The following ACAP2 variants were observed in gnomAD, a reference collection of about 807,000 sequenced individuals.
ACAP2 encodes arf-GAP with coiled-coil, ANK repeat and PH domain-containing protein 2.
ACAP2 carries 39 observed loss-of-function variants against 115.8 expected under a neutral mutation model. The observed-to-expected ratio is 0.34, with a 90% confidence interval of 0.26 to 0.44. The LOEUF (loss-of-function observed/expected upper bound fraction) is 0.44. ACAP2 is among the 20% of genes least tolerant of loss of function. The pLI is 1.00. For synonymous variants in ACAP2, 289 were observed against 315.8 expected (o/e 0.92, Z 0.90); for missense variants, 662 against 927.6 (o/e 0.71, Z 3.72).
chr3:195,378,088 G>C (rs1166864998), intron 4 of ACAP2, among the ~76,000 whole-genome samples: 2 of 139,976 alleles, frequency 1.4e-5, no homozygotes, highest in African/African-American at 5.7e-5. Context: ...GGGAGGAAGG[G>C]AGGAGGAGGA....
At chr3:195,365,393 C>T (rs999567360) in intron 4 of ACAP2, among the ~76,000 whole-genome samples, 5 of 152,114 alleles carry the variant, frequency 3.3e-5, no homozygotes, top group African/African-American at 1.2e-4. Context: ...TACACACCTA[C>T]TATGCACCCA....
chr3:195,355,209 G>A (rs1330588112), intron 4 of ACAP2, among the ~76,000 whole-genome samples: 1 of 148,508 alleles, frequency 6.7e-6, no homozygotes, highest in Non-Finnish European at 1.5e-5. Flanking sequence ...TGTCAATAAA[G>A]CAACAGTTCT....
chr3:195,298,255 T>C (rs1727787994), intron 15 of ACAP2, among the ~76,000 whole-genome samples: 1 of 12,532 alleles, frequency 8.0e-5, no homozygotes, highest in Non-Finnish European at 3.1e-4. Flanking sequence ...CTCTCCTCTT[T>C]TTTTTTTTTT....
Position 195,302,141 on chromosome 3 carries a change from T to G in ACAP2, c.1150A>C (p.Ser384Arg). Reference sequence around the variant, plus strand: ...TTGGACTCATTTCCAGAATCTAGGCTTCCTGTGGATGGAGATGATTTCTTA... The same window carrying G: ...TTGGACTCATTTCCAGAATCTAGGCGTCCTGTGGATGGAGATGATTTCTTA... ...LDKKSSPSTG[S>R]LDSGNESKEK... The change falls in exon 14 of 23, where the codon AGC becomes CGC. Residue 384 changes from serine (S) to arginine (R), a missense_variant. Ser to Arg is a moderately radical substitution (Grantham distance 110). Around this residue, in one of 3 missense-constraint regions of ACAP2, gnomAD observed 401 missense variants for 604.4 expected, o/e 0.66. Coordinates refer to ENST00000326793, the MANE Select transcript of ACAP2 (RefSeq NM_012287.6). 1 of 1,613,972 alleles carries G rather than the reference T, an allele frequency of 6.2e-7. No individual in the cohort carries two copies. The highest frequency in any genetic ancestry group is 8.5e-7 in the Non-Finnish European group (1 of 1,179,992).
intron 1 of ACAP2, among the ~76,000 whole-genome samples, chr3:195,420,993 A>G (rs1714147161): frequency 6.6e-6 from 1 of 152,190 alleles, no homozygotes; most frequent in Admixed American, 6.5e-5. Context: ...AGAATAAGGA[A>G]TAGGGTTATA....
rs1298294532 is a variant in ACAP2, at chr3:195,279,149, C to T, written c.*179G>A. ...ATAAAAGAGGTCCTAAACTAGGTTC[C>T]TCTCCTACTACTAGATAACTATGTT... is the stretch of plus-strand genomic sequence containing the variant. On this transcript the variant is annotated 3_prime_UTR_variant, in exon 23 of 23. Transcript: ENST00000326793. 1 of 465,254 alleles carries T rather than the reference C, an allele frequency of 2.1e-6. No individual in the cohort carries two copies. Among genetic ancestry groups the T allele is most frequent in the East Asian group, 3.7e-5 (1 of 27,358 alleles). The allele number at this position is 465,254 out of a possible 1,614,324, so 28.8% of individuals were successfully genotyped here. A position where few individuals can be genotyped will look rare whatever the true frequency, so the allele number is the denominator to read the frequency against.
chr3:195,434,641 T>C (rs796100595), intron 1 of ACAP2, among the ~76,000 whole-genome samples: 6 of 152,352 alleles, frequency 3.9e-5, no homozygotes, highest in African/African-American at 1.4e-4. Context: ...TCTCCTCTTC[T>C]ATTTCTTAAA....
chr3:195,348,333 T>C (rs1731318791), intron 4 of ACAP2, among the ~76,000 whole-genome samples: 2 of 151,150 alleles, frequency 1.3e-5, no homozygotes. Flanking sequence ...AGAAAATACA[T>C]TAAAAATTAA....
At chr3:195,343,491 T>A (rs2108651822) in intron 5 of ACAP2, among the ~76,000 whole-genome samples, 1 of 152,328 alleles carries the variant, frequency 6.6e-6, no homozygotes, top group South Asian at 2.1e-4. Context: ...TGTGGCATGA[T>A]CATAGCTCAC....
At chr3:195,311,092 G>GT (rs1437329814) in intron 10 of ACAP2, among the ~76,000 whole-genome samples, 1,274 of 108,804 alleles carry the variant, frequency 0.012, 8 homozygotes, top group African/African-American at 0.034. Flanking sequence ...TGGTTTTTTT[G>GT]TTTTTTTTTT....
chr3:195,287,974 GTGTGTAATCCCAGC>G (rs1726957392), intron 21 of ACAP2, among the ~76,000 whole-genome samples: 1 of 151,992 alleles, frequency 6.6e-6, no homozygotes, highest in South Asian at 2.1e-4. Context: ...GGTGGCGCAT[GTGTGTAATCCCAGC>G]TACTCAGGAG....
At chr3:195,433,110 C>T (rs922945066) in intron 1 of ACAP2, among the ~76,000 whole-genome samples, 65 of 152,240 alleles carry the variant, frequency 4.3e-4, no homozygotes, top group African/African-American at 1.4e-3. Context: ...CCCTGCACTA[C>T]CCACTAATAC....
intron 4 of ACAP2, among the ~76,000 whole-genome samples, chr3:195,378,915 C>T (rs1733763019): frequency 1.3e-5 from 2 of 151,228 alleles, no homozygotes; most frequent in South Asian, 4.2e-4. Flanking sequence ...TAACTTTTCA[C>T]ATTTAAAACC....
chr3:195,411,416 T>C (rs1713251746), intron 1 of ACAP2, among the ~76,000 whole-genome samples: 1 of 152,206 alleles, frequency 6.6e-6, no homozygotes, highest in Non-Finnish European at 1.5e-5. Context: ...AAGCACAACA[T>C]GACGTGTGCA....
In ACAP2 at chr3:195,327,217, G is replaced by T. The variant is rs113604271; in HGVS notation, c.670-258C>A. The stretch of plus-strand genomic sequence containing the variant: ...TGCCATACATATACGATTGCAGACC[G>T]TGTCACAGGTACCCCAGTGATACAC... On this transcript the variant is annotated intron_variant, in intron 8 of 22. Coordinates refer to ENST00000326793, the MANE Select transcript of ACAP2 (RefSeq NM_012287.6). Among the ~76,000 whole-genome samples, 63 of 152,194 alleles carry T rather than the reference G, an allele frequency of 4.1e-4. No individual in the cohort carries two copies. The Middle Eastern group carries it at 0.017, about 41-fold the overall frequency.
chr3:195,315,748 A>C (rs973560843), intron 10 of ACAP2, among the ~76,000 whole-genome samples: 2 of 152,316 alleles, frequency 1.3e-5, no homozygotes, highest in East Asian at 3.9e-4. Context: ...AAAACAGCCT[A>C]ATTTCCAAAG....
At chr3:195,396,712 G>A (rs893731232) in intron 1 of ACAP2, among the ~76,000 whole-genome samples, 4 of 150,210 alleles carry the variant, frequency 2.7e-5, no homozygotes, top group African/African-American at 7.4e-5. Context: ...GCTTGAACCC[G>A]GGAGGCAGAG....
At chr3:195,430,480 G>A (rs375502102) in intron 1 of ACAP2, among the ~76,000 whole-genome samples, 6 of 152,136 alleles carry the variant, frequency 3.9e-5, no homozygotes, top group Non-Finnish European at 5.9e-5. Context: ...TTGGGAGGCC[G>A]AGGTAGGCAG....
At chr3:195,359,670 T>C (rs887032167) in intron 4 of ACAP2, among the ~76,000 whole-genome samples, 12 of 152,182 alleles carry the variant, frequency 7.9e-5, no homozygotes, top group African/African-American at 2.9e-4. Context: ...GGCTTCACCG[T>C]GTTAGCCAGG....
Sources: allele counts gnomAD v4.1 joint callset (sites outside exome capture counted in the v4.1 genomes callset), GRCh38; gene constraint gnomAD v4.1.1; regional missense constraint gnomAD v4.1.1; transcripts MANE v1.5; gene names NCBI Gene and HGNC (gene_info 2026-07-23, HGNC 2026-07-21).